The following NLRP13 variants were observed in gnomAD, a reference collection of about 807,000 sequenced individuals.
The protein encoded by NLRP13 is NLR family pyrin domain containing 13, also known as NACHT, LRR and PYD domains-containing protein 13.
In NLRP13, 82 loss-of-function variants were observed where a neutral mutation model predicts 94.4. The ratio of observed to expected loss-of-function variants is 0.87; its 90% CI spans 0.73 to 1.04. The LOEUF (loss-of-function observed/expected upper bound fraction) is 1.04. Ranked by LOEUF, NLRP13 falls within the 50% of genes least tolerant of loss-of-function variation. NLRP13 has a pLI of 0.00. For synonymous variants in NLRP13, 553 were observed against 464.7 expected, an observed-to-expected ratio of 1.19 and a Z score of -2.45; for missense variants, 1,426 against 1,230.8, an observed-to-expected ratio of 1.16 and a Z score of -2.37.
chr19:55,902,225 G>A lies in NLRP13; in HGVS notation c.2619-20C>T, dbSNP rs1205298454. The stretch of plus-strand genomic sequence containing the variant: ...CAGAGCCTGCAGGGTGAAAGCCACA[G>A]AGATGGACACTCAGGGAAGCAGCCC... On this transcript the variant is annotated intron_variant, in intron 8 of 10. Transcript: ENST00000342929. The A allele has an allele frequency of 6.2e-7, 1 of 1,611,562 alleles. No homozygotes were observed. The highest frequency in any genetic ancestry group is 8.5e-7 in the Non-Finnish European group (1 of 1,178,958).
intron 4 of NLRP13, 28 bp from the exon 5 acceptor site, chr19:55,913,321 T>C (rs780094303): frequency 3.1e-6 from 5 of 1,592,524 alleles, no homozygotes; most frequent in Admixed American, 3.5e-5. Flanking sequence ...GGGAGAAGAA[T>C]GGTAAGAATA....
chr19:55,892,101 T>A, downstream of NLRP13: 1 of 1,232,016 alleles, frequency 8.1e-7, no homozygotes. Flanking sequence ...TCTCACTACA[T>A]TGTGCAGGTC....
intron 6 of NLRP13, among the ~76,000 whole-genome samples, chr19:55,909,763 TTTG>T (rs1206219529): frequency 1.3e-5 from 2 of 152,150 alleles, no homozygotes; most frequent in Non-Finnish European, 2.9e-5. Flanking sequence ...GCCTGATGGC[TTTG>T]TTGATATCAT....
chr19:55,905,947 G>A (rs899371117), intron 7 of NLRP13, among the ~76,000 whole-genome samples: 1 of 152,144 alleles, frequency 6.6e-6, no homozygotes, highest in Non-Finnish European at 1.5e-5. Context: ...GAGAATCAAA[G>A]AAGCCTAAGG....
intron 2 of NLRP13, 33 bp downstream of exon 2, chr19:55,924,934 C>G: frequency 6.4e-7 from 1 of 1,569,540 alleles, no homozygotes. Context: ...ATCAAGCAAC[C>G]TGTCCATTAT....
At chr19:55,913,836 C>T (rs1003365328) in intron 4 of NLRP13, among the ~76,000 whole-genome samples, 1 of 151,984 alleles carries the variant, frequency 6.6e-6, no homozygotes, top group African/African-American at 2.4e-5. Flanking sequence ...GTGCCCACTC[C>T]ATTGCCTGAC....
At chr19:55,896,847 G>GAAAAAAAAAAAAAAAA (rs1986030928) in intron 10 of NLRP13, among the ~76,000 whole-genome samples, 1 of 119,348 alleles carries the variant, frequency 8.4e-6, no homozygotes, top group South Asian at 2.9e-4. Context: ...AAAAAAAAAT[G>GAAAAAAAAAAAAAAAA]GAAAAGAGTG....
chr19:55,918,395 GA>G (rs1272155522), intron 4 of NLRP13, among the ~76,000 whole-genome samples: 1 of 151,710 alleles, frequency 6.6e-6, no homozygotes, highest in East Asian at 1.9e-4. Context: ...AATCAGAGCA[GA>G]AATAGAGACC....
chr19:55,897,152 A>C (rs554676730), intron 10 of NLRP13, among the ~76,000 whole-genome samples: 1 of 152,220 alleles, frequency 6.6e-6, no homozygotes, highest in East Asian at 1.9e-4. Flanking sequence ...TACTAGAAAC[A>C]CAAAGACAAA....
chr19:55,911,654 G>A lies in NLRP13; in HGVS notation c.2111+52C>T. On this transcript the variant is annotated intron_variant, in intron 5 of 10. Coordinates refer to ENST00000342929, the MANE Select transcript of NLRP13 (RefSeq NM_176810.2). ...GGTTTTGCATGAAAGAATTTGCACA[G>A]AGCCTGAGAAAACAGGAGAAAGCTG... The A allele has an allele frequency of 9.4e-6, 14 of 1,494,962 alleles. No individual in the cohort carries two copies. The South Asian group carries it at 1.9e-4, about 20-fold the overall frequency. The allele number at this position is 1,494,962 out of a possible 1,614,324, so 92.6% of individuals were successfully genotyped here.
chr19:55,915,176 T>A (rs1346941664), intron 4 of NLRP13, among the ~76,000 whole-genome samples: 1 of 152,162 alleles, frequency 6.6e-6, no homozygotes, highest in Non-Finnish European at 1.5e-5. Context: ...GTTATATAGT[T>A]CAACACTTCA....
intron 10 of NLRP13, among the ~76,000 whole-genome samples, chr19:55,897,054 T>A (rs1986036473): frequency 6.6e-6 from 1 of 152,184 alleles, no homozygotes; most frequent in South Asian, 2.1e-4. Context: ...TTGAAAGAAC[T>A]GAAATAGCAC....
Position 55,912,420 on chromosome 19 carries a change from G to C in NLRP13, c.1397C>G (p.Thr466Arg), listed in dbSNP as rs1986545207. 9 of 1,614,184 alleles carry C rather than the reference G, an allele frequency of 5.6e-6. No individual in the cohort carries two copies. The highest frequency in any genetic ancestry group is 7.6e-6 in the Non-Finnish European group (9 of 1,180,034). ...GTCATCTGCCAAATCTACCTCTGCTGTGGAGAACAAGTTGGAGAAAAAATA... is the reference window on the plus strand; with the variant it reads ...GTCATCTGCCAAATCTACCTCTGCTCTGGAGAACAAGTTGGAGAAAAAATA... ...YAYFFSNLFS[T>R]AEVDLADDSW... The change falls in exon 5 of 11, where the codon ACA becomes AGA. Residue 466 changes from threonine to arginine, a missense_variant. Thr to Arg is a moderately conservative substitution (Grantham distance 71). Coordinates refer to ENST00000342929, the MANE Select transcript of NLRP13 (RefSeq NM_176810.2).
chr19:55,908,136 A>AC (rs1478095243), intron 6 of NLRP13, among the ~76,000 whole-genome samples, 180 bp from the exon 7 acceptor site: 1 of 151,046 alleles, frequency 6.6e-6, no homozygotes, highest in African/African-American at 2.4e-5. Flanking sequence ...ACTAAAATAT[A>AC]CTCCCCCCAA....
chr19:55,930,713 A>G (rs1313733868), intron 1 of NLRP13, among the ~76,000 whole-genome samples: 1 of 147,526 alleles, frequency 6.8e-6, no homozygotes, highest in Non-Finnish European at 1.5e-5. Flanking sequence ...AAAAAGAGTC[A>G]ATGTCTGGTT....
chr19:55,905,209 A>G, intron 7 of NLRP13, 97 bp from the exon 8 acceptor site: 2 of 1,266,748 alleles, frequency 1.6e-6, no homozygotes, highest in Non-Finnish European at 2.2e-6. Flanking sequence ...CCCAAACATT[A>G]TGGGAAGATT....
At chr19:55,931,323 T>C (rs563511877) in intron 1 of NLRP13, among the ~76,000 whole-genome samples, 11 of 152,192 alleles carry the variant, frequency 7.2e-5, no homozygotes, top group South Asian at 4.1e-4. Flanking sequence ...GTGTTTCTCT[T>C]GGGCAAAACC....
intron 4 of NLRP13, among the ~76,000 whole-genome samples, chr19:55,913,904 CCCTCACCAGCTATCAGGTTTT>C (rs1360711703): frequency 6.6e-6 from 1 of 152,174 alleles, no homozygotes; most frequent in South Asian, 2.1e-4. Flanking sequence ...GAGCCCTCTT[CCCTCACCAGCTATCAGGTTTT>C]CCTCACTTCC....
intron 1 of NLRP13, among the ~76,000 whole-genome samples, chr19:55,926,667 T>C (rs766785961): frequency 5.3e-5 from 8 of 152,160 alleles, no homozygotes; most frequent in Non-Finnish European, 1.2e-4. Context: ...CTTAAGTCAA[T>C]GTGGTCCCTG....
Sources: allele counts gnomAD v4.1 joint callset (sites outside exome capture counted in the v4.1 genomes callset), GRCh38; gene constraint gnomAD v4.1.1; transcripts MANE v1.5; gene names NCBI Gene and HGNC (gene_info 2026-07-23, HGNC 2026-07-21).